PPA2: variants seen among roughly 807,000 people sequenced by gnomAD.
The protein encoded by PPA2 is inorganic pyrophosphatase 2, mitochondrial.
A neutral mutation model predicts 49.5 loss-of-function variants in PPA2; 48 were observed. That is an observed-to-expected ratio of 0.97 (90% CI 0.77 to 1.23). PPA2 has a LOEUF of 1.23. PPA2 is among the 50% of genes most tolerant of loss of function. The pLI is 0.00. For missense variants in PPA2, 429 were observed against 410.1 expected (o/e 1.05, Z -0.40); for synonymous variants, 131 against 139.9 (o/e 0.94, Z 0.45).
intron 4 of PPA2, among the ~76,000 whole-genome samples, chr4:105,447,304 T>C (rs140587247): frequency 6.6e-6 from 1 of 152,100 alleles, no homozygotes; most frequent in South Asian, 2.1e-4. Flanking sequence ...AAGACAAATA[T>C]CTCATGTTCT....
rs772083375 is a variant in PPA2 at position 105,456,721 on chromosome 4, G to C, written c.182C>G (p.Ser61Cys). 6.2e-7 allele frequency: 1 copy of C among 1,606,996 alleles called. No individual in the cohort carries two copies. Among genetic ancestry groups the C allele is most frequent in the South Asian group, 1.1e-5 (1 of 90,158 alleles). Residue 61 changes from serine to cysteine, a missense_variant, in exon 2 of 12, where the codon TCC becomes TGC. Coordinates refer to ENST00000341695, the MANE Select transcript of PPA2 (RefSeq NM_176869.3). ...CTTCAGAGGAATATCATGAAAGGGGGAAATGTAGTGACCAGTTACATTCTC... is the reference window on the plus strand; with the variant it reads ...CTTCAGAGGAATATCATGAAAGGGGCAAATGTAGTGACCAGTTACATTCTC... ...FFKNVTGHYI[S>C]PFHDIPLKVN...
At chr4:105,439,605 G>T (rs1724239469) in intron 5 of PPA2, among the ~76,000 whole-genome samples, 1 of 151,888 alleles carries the variant, frequency 6.6e-6, no homozygotes, top group African/African-American at 2.4e-5. Context: ...AAATGGTATG[G>T]CATTTGTGAC....
At chr4:105,382,915 C>G (rs1299975322) in intron 10 of PPA2, among the ~76,000 whole-genome samples, 2 of 151,972 alleles carry the variant, frequency 1.3e-5, no homozygotes, top group Non-Finnish European at 2.9e-5. Context: ...GTGGGAGGAT[C>G]AATTGAGCTC....
At chr4:105,382,100 C>T (rs1733512784) in intron 10 of PPA2, among the ~76,000 whole-genome samples, 1 of 151,762 alleles carries the variant, frequency 6.6e-6, no homozygotes, top group African/African-American at 2.4e-5. Context: ...CAGTTGTCTT[C>T]CAATTTTAAA....
intron 1 of PPA2, among the ~76,000 whole-genome samples, chr4:105,465,140 G>A (rs72954316): frequency 0.085 from 12,968 of 152,158 alleles, 1,086 homozygotes; most frequent in African/African-American, 0.22. Context: ...CAAGGAGGGA[G>A]AAATGAATAT....
Position 105,453,420 on chromosome 4 carries a change from A to AC in PPA2, c.267+177_267+178insG, listed in dbSNP as rs141782383. 0.033 allele frequency among the ~76,000 whole-genome samples: 5,008 copies of AC among 152,290 alleles called. 269 individuals carry two copies. The highest frequency in any genetic ancestry group is 0.11 in the African/African-American group (4,722 of 41,524). On this transcript the variant is annotated intron_variant, in intron 3 of 11. Transcript: ENST00000341695. ...CTTATGTTATGAATATTTTACCACA[A>AC]TAAAAAAAGTTAAATGGCAATAGCT...
Position 105,409,270 on chromosome 4 carries a change from C to G in PPA2, c.656-10106G>C, listed in dbSNP as rs113918765. Among the ~76,000 whole-genome samples the G allele has an allele frequency of 9.2e-5, 14 of 152,172 alleles. 1 individual carries two copies. The highest frequency in any genetic ancestry group is 2.0e-4 in the Admixed American group (3 of 15,288). ...CCCTTCCGTGTCTGGCTCAGCAGGT[C>G]CCACACCCACGGAGCCTTGTTCACT... On this transcript the variant is annotated intron_variant, in intron 7 of 11. Transcript: ENST00000341695.
intron 3 of PPA2, among the ~76,000 whole-genome samples, chr4:105,450,394 C>T (rs757545458): frequency 1.3e-5 from 2 of 149,990 alleles, no homozygotes; most frequent in Admixed American, 1.3e-4. Context: ...TTTTTTCTCC[C>T]AAGACGGAGT....
intron 9 of PPA2, among the ~76,000 whole-genome samples, chr4:105,392,212 T>A (rs2636701): frequency 0.42 from 64,446 of 151,730 alleles, 14,305 homozygotes; most frequent in East Asian, 0.68. Context: ...TCTCTGTTAA[T>A]ATAATATTTA....
chr4:105,399,037 C>G lies in PPA2; in HGVS notation c.783G>C (p.Lys261Asn). The change falls in exon 8 of 12, where the codon AAG becomes AAC. Residue 261 changes from lysine (K) to asparagine (N), a missense_variant and splice_region_variant. Coordinates refer to ENST00000341695, the MANE Select transcript of PPA2 (RefSeq NM_176869.3). ...QFAFNGEFKN[K>N]AFALEVIKST... is the part of the protein sequence containing the mutation. Reference sequence around the variant, plus strand: ...TTAAAATAAAGATTCTCATCTTCACCTTGTTTTTGAATTCTCCATTAAAAG... The same window carrying G: ...TTAAAATAAAGATTCTCATCTTCACGTTGTTTTTGAATTCTCCATTAAAAG... 6.2e-7 allele frequency: 1 copy of G among 1,607,416 alleles called. No homozygotes were observed. Among genetic ancestry groups the G allele is most frequent in the East Asian group, 2.2e-5 (1 of 44,808 alleles).
intron 7 of PPA2, among the ~76,000 whole-genome samples, chr4:105,410,832 A>G (rs1722719279): frequency 6.6e-6 from 1 of 152,206 alleles, no homozygotes; most frequent in Non-Finnish European, 1.5e-5. Context: ...TAAGTGAAGG[A>G]GAAACAAAAT....
At position 105,449,124 on chromosome 4, in the gene PPA2, G is replaced by C. The variant is rs551442740; in HGVS notation, c.321+226C>G. ...CCTAGCTACTTGGGAGGCTGAGGCA[G>C]GAGAATGGCGTGAACCCGGGAGGCG... On this transcript the variant is annotated intron_variant, in intron 4 of 11. Transcript: ENST00000341695. 5.5e-4 allele frequency among the ~76,000 whole-genome samples: 73 copies of C among 133,274 alleles called. 3 individuals are homozygous for C. The highest frequency in any genetic ancestry group is 1.0e-3 in the Non-Finnish European group (67 of 65,314). The allele number at this position is 133,274 out of a possible 152,430, so 87.4% of individuals were successfully genotyped here. A position where few individuals can be genotyped will look rare whatever the true frequency, so the allele number is the denominator to read the frequency against.
intron 7 of PPA2, among the ~76,000 whole-genome samples, chr4:105,413,365 T>C (rs2110254156): frequency 6.6e-6 from 1 of 152,228 alleles, no homozygotes; most frequent in African/African-American, 2.4e-5. Flanking sequence ...AAATACCTAA[T>C]GTAAATGACG....
chr4:105,435,054 A>G (rs1183295870), intron 6 of PPA2, among the ~76,000 whole-genome samples: 1 of 152,212 alleles, frequency 6.6e-6, no homozygotes, highest in Non-Finnish European at 1.5e-5. Flanking sequence ...AGAACATTCA[A>G]GTTTTCTATA....
chr4:105,388,231 T>C (rs1733761398), intron 9 of PPA2, among the ~76,000 whole-genome samples: 1 of 152,160 alleles, frequency 6.6e-6, no homozygotes, highest in Non-Finnish European at 1.5e-5. Context: ...TATTCTGAAA[T>C]ATTTAAATAG....
intron 6 of PPA2, among the ~76,000 whole-genome samples, chr4:105,432,431 CTT>C (rs898562311): frequency 6.6e-6 from 1 of 152,142 alleles, no homozygotes; most frequent in African/African-American, 2.4e-5. Flanking sequence ...TAAATCAAGA[CTT>C]TAATCAAACA....
At chr4:105,380,123 A>C (rs1241977825) in intron 10 of PPA2, among the ~76,000 whole-genome samples, 2 of 152,154 alleles carry the variant, frequency 1.3e-5, no homozygotes, top group Non-Finnish European at 2.9e-5. Context: ...AATGCTGAAC[A>C]ATAGTAGTAG....
At chr4:105,429,287 T>C (rs1723684695) in intron 6 of PPA2, among the ~76,000 whole-genome samples, 1 of 152,146 alleles carries the variant, frequency 6.6e-6, no homozygotes, top group Non-Finnish European at 1.5e-5. Context: ...AGAGGCAGAA[T>C]ACAAGAAACG....
chr4:105,464,524 A>C (rs1030337778), intron 1 of PPA2, among the ~76,000 whole-genome samples: 1 of 152,172 alleles, frequency 6.6e-6, no homozygotes, highest in Non-Finnish European at 1.5e-5. Context: ...ATGTGAGGAC[A>C]TGAGATTTGA....
Sources: gnomAD v4.1 joint callset for allele counts (sites outside exome capture counted in the v4.1 genomes callset) on GRCh38, gnomAD v4.1.1 for gene constraint, MANE v1.5 for transcripts, NCBI Gene and HGNC (gene_info 2026-07-23, HGNC 2026-07-21) for gene names.